PIAS2: variants seen among roughly 807,000 people sequenced by gnomAD.
PIAS2 encodes the protein protein inhibitor of activated STAT 2.
PIAS2 carries 19 observed loss-of-function variants against 69.7 expected under a neutral mutation model. The observed-to-expected ratio is 0.27, with a 90% CI of 0.19 to 0.40. The LOEUF (loss-of-function observed/expected upper bound fraction) is 0.40. PIAS2 is among the 10% of genes least tolerant of loss of function. PIAS2 has a pLI of 1.00. For synonymous variants in PIAS2, 261 were observed against 263.2 expected (o/e 0.99, Z 0.08); for missense variants, 624 against 757.0 (o/e 0.82, Z 2.06).
At chr18:46,894,721 G>C (rs1346803488) in intron 1 of PIAS2, among the ~76,000 whole-genome samples, 2 of 152,000 alleles carry the variant, frequency 1.3e-5, no homozygotes, top group African/African-American at 4.8e-5. Flanking sequence ...TTATATAATT[G>C]AAACACTACA....
chr18:46,804,703 T>A lies in PIAS2; in HGVS notation c.*7730A>T, dbSNP rs1247385645. 1.3e-5 allele frequency: 2 copies of A among 152,228 alleles called. No individual in the cohort carries two copies. Among genetic ancestry groups the A allele is most frequent in the Non-Finnish European group, 2.9e-5 (2 of 68,040 alleles). The allele number at this position is 152,228 out of a possible 1,614,324, so 9.4% of individuals were successfully genotyped here. Reference sequence around the variant, plus strand: ...GAGGTGCCTCATTTACATGCTCTTGTAGCACCCTATACTTTGTCTTTTACC... The same window carrying A: ...GAGGTGCCTCATTTACATGCTCTTGAAGCACCCTATACTTTGTCTTTTACC... On this transcript the variant is annotated 3_prime_UTR_variant, in exon 14 of 14. Transcript: ENST00000585916.
chr18:46,901,244 C>A, intron 1 of PIAS2: 1 of 413,316 alleles, frequency 2.4e-6, no homozygotes. Context: ...ATGGAGAACC[C>A]CATCTCTAAG....
intron 13 of PIAS2, 127 bp from the exon 14 acceptor site, chr18:46,812,739 C>G (rs1319911598): frequency 5.3e-6 from 3 of 566,988 alleles, no homozygotes; most frequent in Non-Finnish European, 9.4e-6. Context: ...TTAAAAATTG[C>G]TCAAAACTTC....
At chr18:46,823,532 C>T (rs1333228263) in intron 11 of PIAS2, among the ~76,000 whole-genome samples, 5 of 152,134 alleles carry the variant, frequency 3.3e-5, no homozygotes, top group Non-Finnish European at 7.4e-5. Context: ...TACAGTAACA[C>T]CTAATAACTG....
At chr18:46,897,569 T>G (rs1286987277) in intron 1 of PIAS2, among the ~76,000 whole-genome samples, 1 of 152,196 alleles carries the variant, frequency 6.6e-6, no homozygotes, top group Non-Finnish European at 1.5e-5. Context: ...AATTCATCAT[T>G]ATTCTGACAA....
intron 1 of PIAS2, among the ~76,000 whole-genome samples, chr18:46,906,787 G>T (rs2056668944): frequency 6.9e-6 from 1 of 144,408 alleles, no homozygotes; most frequent in East Asian, 2.0e-4. Flanking sequence ...GGGGGGGGGA[G>T]GTGTATAACA....
Position 46,828,135 on chromosome 18 carries a change from A to AT in PIAS2, c.1337-6dup. ...GCTTACTGAGGACGCTTGAACCTGC[A>AT]TGTAAAGAAACAAAAGGAAAAAAAA... On this transcript the variant is annotated splice_region_variant and splice_polypyrimidine_tract_variant and intron_variant, in intron 10 of 13. Coordinates refer to ENST00000585916, the MANE Select transcript of PIAS2 (RefSeq NM_004671.5). 1 of 1,584,782 alleles carries AT rather than the reference A, an allele frequency of 6.3e-7. No individual in the cohort carries two copies. Among genetic ancestry groups the AT allele is most frequent in the Non-Finnish European group, 8.6e-7 (1 of 1,169,052 alleles).
At chr18:46,910,772 T>G (rs1449532708) in intron 1 of PIAS2, among the ~76,000 whole-genome samples, 5 of 152,210 alleles carry the variant, frequency 3.3e-5, no homozygotes, top group Non-Finnish European at 4.4e-5. Flanking sequence ...GACCTCTGAT[T>G]AGCACACCAA....
intron 3 of PIAS2, among the ~76,000 whole-genome samples, chr18:46,863,540 C>T (rs1395220255): frequency 6.6e-6 from 1 of 152,148 alleles, no homozygotes; most frequent in East Asian, 1.9e-4. Context: ...TCAAGTGATA[C>T]TGCCACCTCC....
chr18:46,844,907 CTTAT>C (rs772625438), intron 6 of PIAS2, 68 bp from the exon 7 acceptor site: 5 of 594,910 alleles, frequency 8.4e-6, no homozygotes, highest in African/African-American at 7.7e-5. Context: ...ACATGAAATA[CTTAT>C]TTAAGAAACT....
chr18:46,913,866 G>C (rs2057523153), intron 1 of PIAS2, among the ~76,000 whole-genome samples: 1 of 152,182 alleles, frequency 6.6e-6, no homozygotes, highest in African/African-American at 2.4e-5. Context: ...GCAGTGTCAA[G>C]ATCAGAGCTA....
chr18:46,906,773 T>TGG (rs59066322), intron 1 of PIAS2, among the ~76,000 whole-genome samples: 192 of 80,818 alleles, frequency 2.4e-3, no homozygotes, highest in South Asian at 3.4e-3. Flanking sequence ...TGTGTGTGTG[T>TGG]GGGGGGGGGG....
chr18:46,844,685 A>AC, intron 7 of PIAS2, 49 bp downstream of exon 7: 1 of 671,018 alleles, frequency 1.5e-6, no homozygotes, highest in Non-Finnish European at 2.4e-6. Context: ...TCATATGCTC[A>AC]ATCTTTTTTT....
At position 46,890,786 on chromosome 18, in the gene PIAS2, A is replaced by G. The variant is rs1598879441; in HGVS notation, c.293T>C (p.Val98Ala). ...GSSPVEPDLA[V>A]AGIHSLPSTS... ...GGAAGGCAACGAGTGGATTCCAGCC[A>G]CGGCCAAGTCAGGTTCTACAGGTGA... The change falls in exon 2 of 14, where the codon GTG becomes GCG. Residue 98 changes from valine to alanine, a missense_variant. This residue lies in a region of PIAS2 where 339 missense variants were observed against 408.8 expected (regional missense o/e 0.83). Transcript: ENST00000585916. 25 of 1,614,206 alleles carry G rather than the reference A, an allele frequency of 1.5e-5. No individual in the cohort carries two copies. The East Asian group carries it at 5.6e-4, about 36-fold the overall frequency.
intron 7 of PIAS2, among the ~76,000 whole-genome samples, chr18:46,844,338 A>C (rs1467048376): frequency 6.6e-6 from 1 of 152,164 alleles, no homozygotes; most frequent in African/African-American, 2.4e-5. Context: ...AACTGCTGGC[A>C]AGCAAGACTT....
intron 1 of PIAS2, among the ~76,000 whole-genome samples, chr18:46,899,714 G>T (rs1013274721): frequency 9.9e-5 from 15 of 152,152 alleles, no homozygotes; most frequent in South Asian, 2.1e-4. Flanking sequence ...TGATGCTCCT[G>T]CCTTGGCCTC....
At chr18:46,919,299 C>A (rs1397202903), upstream of PIAS2, among the ~76,000 whole-genome samples, 1 of 151,962 alleles carries the variant, frequency 6.6e-6, no homozygotes, top group Non-Finnish European at 1.5e-5. Context: ...CCAGCCTGAC[C>A]AACATGGAGA....
intron 11 of PIAS2, among the ~76,000 whole-genome samples, 187 bp from the exon 12 acceptor site, chr18:46,821,259 T>C (rs1307447588): frequency 6.6e-6 from 1 of 152,154 alleles, no homozygotes; most frequent in Non-Finnish European, 1.5e-5. Context: ...AACATGAACA[T>C]ATCTTGGCTC....
In PIAS2 at chr18:46,807,064, C is replaced by A. The variant is rs938266865; in HGVS notation, c.*5369G>T. 6.6e-6 allele frequency: 1 copy of A among 151,250 alleles called. No homozygotes were observed. Among genetic ancestry groups the A allele is most frequent in the African/African-American group, 2.4e-5 (1 of 41,080 alleles). The allele number at this position is 151,250 out of a possible 1,614,324, so 9.4% of individuals were successfully genotyped here. A position where few individuals can be genotyped will look rare whatever the true frequency, so the allele number is the denominator to read the frequency against. On this transcript the variant is annotated 3_prime_UTR_variant, in exon 14 of 14. Transcript: ENST00000585916. ...GTTTGCCTGTTTTTATAGCTTTTAGCCTTACCACTTTTCAGTTTGGGGATG... is the reference window on the plus strand; with the variant it reads ...GTTTGCCTGTTTTTATAGCTTTTAGACTTACCACTTTTCAGTTTGGGGATG...
Sources: gnomAD v4.1 joint callset for allele counts (sites outside exome capture counted in the v4.1 genomes callset) on GRCh38, gnomAD v4.1.1 for gene constraint, gnomAD v4.1.1 regional missense constraint, MANE v1.5 for transcripts, NCBI Gene and HGNC (gene_info 2026-07-23, HGNC 2026-07-21) for gene names.